RNF185: variants seen among roughly 807,000 people sequenced by gnomAD.
RNF185 encodes the protein ring finger protein 185.
In RNF185, 13 loss-of-function variants were observed where a neutral mutation model predicts 24.9. The ratio of observed to expected loss-of-function variants is 0.52; its 90% CI spans 0.34 to 0.83. The LOEUF is 0.83. Ranked by LOEUF, RNF185 falls within the 40% of genes least tolerant of loss-of-function variation. The pLI, the probability that RNF185 is intolerant of heterozygous loss-of-function variation, is 0.01. For missense variants in RNF185, 184 were observed against 244.7 expected, an observed-to-expected ratio of 0.75 and a Z score of 1.65; for synonymous variants, 79 against 90.3, an observed-to-expected ratio of 0.88 and a Z score of 0.71.
intron 6 of RNF185, among the ~76,000 whole-genome samples, chr22:31,204,274 C>T (rs1429680468): frequency 2.7e-5 from 4 of 146,056 alleles, no homozygotes; most frequent in African/African-American, 5.1e-5. Flanking sequence ...ACCTGGGAAG[C>T]GGAGGTTGCA....
chr22:31,175,858 T>C (rs1371033401), intron 1 of RNF185, among the ~76,000 whole-genome samples: 1 of 152,234 alleles, frequency 6.6e-6, no homozygotes, highest in African/African-American at 2.4e-5. Context: ...ACCTCAGTTG[T>C]GAATGTACTT....
intron 5 of RNF185, among the ~76,000 whole-genome samples, chr22:31,198,688 C>T (rs1467438688): frequency 1.4e-5 from 2 of 146,856 alleles, no homozygotes; most frequent in East Asian, 2.0e-4. Context: ...CGTGAGCCAC[C>T]GCGCACTGCC....
chr22:31,192,225 G>A (rs1281274540), intron 2 of RNF185, among the ~76,000 whole-genome samples: 3 of 152,170 alleles, frequency 2.0e-5, no homozygotes, highest in African/African-American at 4.8e-5. Flanking sequence ...TTGTGAGCCC[G>A]AGGAGACTAT....
At chr22:31,169,108 A>G (rs4820948) in intron 1 of RNF185, among the ~76,000 whole-genome samples, 96,154 of 151,928 alleles carry the variant, frequency 0.63, 31,704 homozygotes, top group African/African-American at 0.75. Flanking sequence ...ACAAGGTTTC[A>G]CCATGTTGCC....
At chr22:31,165,584 C>T (rs560899871) in intron 1 of RNF185, among the ~76,000 whole-genome samples, 2 of 152,314 alleles carry the variant, frequency 1.3e-5, no homozygotes, top group African/African-American at 4.8e-5. Context: ...TGGATTTGGA[C>T]ATACTAAAGC....
At chr22:31,187,309 A>G in intron 2 of RNF185, 39 bp downstream of exon 2, 2 of 1,608,540 alleles carry the variant, frequency 1.2e-6, no homozygotes, top group Non-Finnish European at 1.7e-6. Flanking sequence ...GCACATTGCC[A>G]AGTTTGGAAA....
intron 1 of RNF185, among the ~76,000 whole-genome samples, chr22:31,163,819 G>C (rs922896020): frequency 6.6e-6 from 1 of 151,566 alleles, no homozygotes; most frequent in Non-Finnish European, 1.5e-5. Context: ...GACTACAGGT[G>C]CACGCCACCT....
At chr22:31,175,845 C>T (rs1311464424) in intron 1 of RNF185, among the ~76,000 whole-genome samples, 1 of 152,174 alleles carries the variant, frequency 6.6e-6, no homozygotes, top group African/African-American at 2.4e-5. Context: ...AAGGACCATT[C>T]ACACCTCAGT....
chr22:31,169,954 C>G (rs1924174988), intron 1 of RNF185, among the ~76,000 whole-genome samples: 1 of 152,166 alleles, frequency 6.6e-6, no homozygotes, highest in Admixed American at 6.6e-5. Flanking sequence ...TCCTTGTCTT[C>G]CAGCTGGCCT....
At chr22:31,200,276 G>T (rs1297405577) in intron 5 of RNF185, among the ~76,000 whole-genome samples, 1 of 152,178 alleles carries the variant, frequency 6.6e-6, no homozygotes, top group Non-Finnish European at 1.5e-5. Flanking sequence ...AGCATTGCTT[G>T]AGCCTGGGAG....
At chr22:31,176,938 A>AAAAAGAG (rs1214233664) in intron 1 of RNF185, among the ~76,000 whole-genome samples, 1 of 152,138 alleles carries the variant, frequency 6.6e-6, no homozygotes, top group African/African-American at 2.4e-5. Flanking sequence ...AGTTGGGGAG[A>AAAAAGAG]AAAAGAGACG....
intron 2 of RNF185, among the ~76,000 whole-genome samples, chr22:31,188,189 A>G (rs2048118738): frequency 6.6e-6 from 1 of 152,212 alleles, no homozygotes; most frequent in South Asian, 2.1e-4. Context: ...AGATTCGACT[A>G]AAGGGACATA....
intron 1 of RNF185, among the ~76,000 whole-genome samples, chr22:31,173,925 A>G (rs2047956672): frequency 6.6e-6 from 1 of 152,220 alleles, no homozygotes; most frequent in African/African-American, 2.4e-5. Context: ...TCATTGAGAA[A>G]GGAAAGTTGT....
rs1160982047 is a variant in RNF185, at chr22:31,204,801, C to T, written c.*215C>T. On this transcript the variant is annotated 3_prime_UTR_variant, in exon 7 of 7. Coordinates refer to ENST00000326132, the MANE Select transcript of RNF185 (RefSeq NM_152267.4). Reference sequence around the variant, plus strand: ...CACCGCTGTAAACACTCTATAACTTCAGGCCTTGGCATTGAGTCATCTCTC... The same window carrying T: ...CACCGCTGTAAACACTCTATAACTTTAGGCCTTGGCATTGAGTCATCTCTC... The T allele has an allele frequency of 7.8e-6, 4 of 511,572 alleles. No homozygotes were observed. The highest frequency in any genetic ancestry group is 1.4e-5 in the Non-Finnish European group (4 of 280,166). 31.7% of individuals were successfully genotyped at this position (511,572 alleles called of 1,614,324 possible).
chr22:31,201,476 T>TA, intron 5 of RNF185, 22 bp from the exon 6 acceptor site: 1 of 1,571,252 alleles, frequency 6.4e-7, no homozygotes, highest in Admixed American at 1.7e-5. Context: ...CTCCTGCCCT[T>TA]AATTGCCTTT....
intron 1 of RNF185, among the ~76,000 whole-genome samples, chr22:31,165,775 T>A (rs1387423841): frequency 3.3e-5 from 5 of 152,136 alleles, no homozygotes; most frequent in Non-Finnish European, 5.9e-5. Context: ...TCATTTTGGG[T>A]GCCACTCTGC....
intron 1 of RNF185, among the ~76,000 whole-genome samples, chr22:31,186,668 A>G (rs2048101889): frequency 6.6e-6 from 1 of 152,192 alleles, no homozygotes; most frequent in Non-Finnish European, 1.5e-5. Context: ...AGATTCACCC[A>G]TCAATATAGA....
chr22:31,193,345 G>A (rs971311049), intron 3 of RNF185, among the ~76,000 whole-genome samples: 8 of 152,156 alleles, frequency 5.3e-5, no homozygotes, highest in East Asian at 1.9e-4. Flanking sequence ...TGTCCCCAGC[G>A]GGACCTGGTA....
intron 1 of RNF185, among the ~76,000 whole-genome samples, chr22:31,161,858 A>T (rs1923594430): frequency 6.7e-6 from 1 of 149,994 alleles, no homozygotes; most frequent in Non-Finnish European, 1.5e-5. Context: ...GCCAGTTCAC[A>T]CACATGACAA....
Sources: allele counts gnomAD v4.1 joint callset (sites outside exome capture counted in the v4.1 genomes callset), GRCh38; gene constraint gnomAD v4.1.1; transcripts MANE v1.5; gene names NCBI Gene and HGNC (gene_info 2026-07-23, HGNC 2026-07-21).